ZBED4: variants seen among roughly 807,000 people sequenced by gnomAD.
ZBED4 encodes the protein zinc finger BED-type containing 4, also known as zinc finger BED domain-containing protein 4.
Under a neutral mutation model 15.5 loss-of-function variants are expected in ZBED4, and 4 were observed. That is an observed-to-expected ratio of 0.26 (90% CI 0.13 to 0.59). The LOEUF (loss-of-function observed/expected upper bound fraction) is 0.59. Ranked by LOEUF, ZBED4 falls within the 20% of genes least tolerant of loss-of-function variation. ZBED4 has a pLI of 0.90. For missense variants in ZBED4, 1,323 were observed against 1,461.8 expected (o/e 0.91, Z 1.55); for synonymous variants, 692 against 608.5 (o/e 1.14, Z -2.02).
Position 49,884,708 on chromosome 22 carries a change from C to T in ZBED4, c.1046C>T (p.Pro349Leu), listed in dbSNP as rs150475592. ...CAGGAGAACGGGGGCACGGGCATCC[C>T]GCCACTGTACTCCACCCCTCCCACT... Reference protein sequence around the residue: ...VLQENGGTGIPPLYSTPPTLL... With the variant: ...VLQENGGTGILPLYSTPPTLL... The change falls in exon 2 of 2, where the codon CCG becomes CTG. Residue 349 changes from proline (P) to leucine (L), a missense_variant. Transcript: ENST00000216268. 1.0e-5 allele frequency: 16 copies of T among 1,597,768 alleles called. No homozygotes were observed. Among genetic ancestry groups the T allele is most frequent in the African/African-American group, 2.7e-5 (2 of 74,728 alleles).
At chr22:49,871,023 C>G (rs2060344644) in intron 1 of ZBED4, among the ~76,000 whole-genome samples, 1 of 151,220 alleles carries the variant, frequency 6.6e-6, no homozygotes, top group Admixed American at 6.6e-5. Context: ...TAACTGCAAC[C>G]TCCATCTCCA....
rs965944100 is a variant in ZBED4 at position 49,885,495 on chromosome 22, G to C, written c.1833G>C (p.Val611=). ...LRHLQRFHSN[V]LKTEVSETAR... ...ATTTACAGCGGTTCCATAGCAACGT[G>C]CTGAAAACTGAGGTCTCGGAGACGG... The change falls in exon 2 of 2, where the codon GTG becomes GTC. Residue 611 remains valine, a synonymous_variant. Coordinates refer to ENST00000216268, the MANE Select transcript of ZBED4 (RefSeq NM_014838.3). 1 of 1,611,628 alleles carries C rather than the reference G, an allele frequency of 6.2e-7. No homozygotes were observed.
chr22:49,868,866 C>G (rs2060332944), intron 1 of ZBED4, among the ~76,000 whole-genome samples: 1 of 151,116 alleles, frequency 6.6e-6, no homozygotes, highest in Admixed American at 6.6e-5. Context: ...AATCCCAGCA[C>G]TTTGGGAGGC....
Position 49,857,227 on chromosome 22 carries a change from T to C in ZBED4, c.-330+3238T>C, listed in dbSNP as rs149581665. On this transcript the variant is annotated intron_variant, in intron 1 of 1. Transcript: ENST00000216268. ...TCCGTCATAGAAGCCATGCTCCACATCCTGTAAGTGAGAGACTCCCCAGCA... is the reference window on the plus strand; with the variant it reads ...TCCGTCATAGAAGCCATGCTCCACACCCTGTAAGTGAGAGACTCCCCAGCA... Among the ~76,000 whole-genome samples the C allele has an allele frequency of 4.2e-3, 635 of 152,296 alleles. 1 individual carries two copies. Among genetic ancestry groups the C allele is most frequent in the Admixed American group, 6.7e-3 (102 of 15,290 alleles).
Position 49,883,859 on chromosome 22 carries a change from G to A in ZBED4, c.197G>A (p.Cys66Tyr). ...CGAGCGGGCCTCGGTGGGACGGGTTGCAGCTGCAAGCCCCCGGGGAAGTAC... is the reference window on the plus strand; with the variant it reads ...CGAGCGGGCCTCGGTGGGACGGGTTACAGCTGCAAGCCCCCGGGGAAGTAC... Reference protein sequence around the residue: ...GERAGLGGTGCSCKPPGKYLS... With the variant: ...GERAGLGGTGYSCKPPGKYLS... Residue 66 changes from cysteine to tyrosine, a missense_variant, in exon 2 of 2, where the codon TGC becomes TAC. Cys to Tyr is a radical substitution (Grantham distance 194, BLOSUM62 -2). This residue lies in a region of ZBED4 where 380 missense variants were observed against 413.7 expected (regional missense o/e 0.92). Transcript: ENST00000216268. 6.2e-7 allele frequency: 1 copy of A among 1,608,092 alleles called. No individual in the cohort carries two copies.
At chr22:49,868,593 A>T (rs1316219562) in intron 1 of ZBED4, among the ~76,000 whole-genome samples, 2 of 152,192 alleles carry the variant, frequency 1.3e-5, no homozygotes, top group Non-Finnish European at 2.9e-5. Flanking sequence ...CAAAAAAGAA[A>T]AATGAAAACT....
chr22:49,879,372 C>T (rs1283149050), intron 1 of ZBED4, among the ~76,000 whole-genome samples: 5 of 151,926 alleles, frequency 3.3e-5, no homozygotes, highest in Non-Finnish European at 5.9e-5. Context: ...GTTGATCCGT[C>T]TGCCTCATCC....
In ZBED4 at chr22:49,887,566, A is replaced by G. The variant is rs1332059501; in HGVS notation, c.*388A>G. On this transcript the variant is annotated 3_prime_UTR_variant, in exon 2 of 2. Coordinates refer to ENST00000216268, the MANE Select transcript of ZBED4 (RefSeq NM_014838.3). ...GTACAAACCACAAATCAGGTACTGT[A>G]TTTTAGTGAAGCATTGCTTTAATTG... 5.5e-6 allele frequency: 1 copy of G among 180,838 alleles called. No homozygotes were observed. The highest frequency in any genetic ancestry group is 1.3e-5 in the Non-Finnish European group (1 of 76,060). The allele number at this position is 180,838 out of a possible 1,614,324, so 11.2% of individuals were successfully genotyped here. A position where few individuals can be genotyped will look rare whatever the true frequency, so the allele number is the denominator to read the frequency against.
rs1269888546 is a variant in ZBED4 at position 49,884,558 on chromosome 22, T to C, written c.896T>C (p.Leu299Pro). The C allele has an allele frequency of 6.8e-6, 11 of 1,613,386 alleles. No homozygotes were observed. The highest frequency in any genetic ancestry group is 9.3e-6 in the Non-Finnish European group (11 of 1,179,648). The change falls in exon 2 of 2, where the codon CTG becomes CCG. Residue 299 changes from leucine (L) to proline (P), a missense_variant. Around this residue, in one of 6 missense-constraint regions of ZBED4, gnomAD observed 380 missense variants for 413.7 expected, o/e 0.92. Coordinates refer to ENST00000216268, the MANE Select transcript of ZBED4 (RefSeq NM_014838.3). Reference sequence around the variant, plus strand: ...TGGAAGCACTTCTACCTGTCGCCACTGGACAACTCCAAAGCTGTCTGCATT... The same window carrying C: ...TGGAAGCACTTCTACCTGTCGCCACCGGACAACTCCAAAGCTGTCTGCATT... ...AVWKHFYLSP[L>P]DNSKAVCIHC...
intron 1 of ZBED4, among the ~76,000 whole-genome samples, chr22:49,879,550 TC>T (rs1305708610): frequency 6.6e-6 from 1 of 150,666 alleles, no homozygotes; most frequent in Non-Finnish European, 1.5e-5. Context: ...TTGTCTTATG[TC>T]CGGGCCTGTT....
chr22:49,862,259 G>T (rs1362931996), intron 1 of ZBED4, among the ~76,000 whole-genome samples: 1 of 152,192 alleles, frequency 6.6e-6, no homozygotes, highest in East Asian at 1.9e-4. Context: ...AAGTCGCTTG[G>T]AAGGTGGTTT....
intron 1 of ZBED4, among the ~76,000 whole-genome samples, chr22:49,875,044 T>C (rs2060368925): frequency 6.6e-6 from 1 of 152,218 alleles, no homozygotes; most frequent in Non-Finnish European, 1.5e-5. Context: ...TGACGTATTA[T>C]CTTTGATACA....
intron 1 of ZBED4, among the ~76,000 whole-genome samples, chr22:49,858,783 C>T (rs577045105): frequency 7.2e-5 from 11 of 152,328 alleles, no homozygotes; most frequent in Non-Finnish European, 1.0e-4. Flanking sequence ...TGTCCCCCAA[C>T]GTCTTTACTA....
At chr22:49,880,514 A>G (rs1436185855) in intron 1 of ZBED4, among the ~76,000 whole-genome samples, 1 of 152,100 alleles carries the variant, frequency 6.6e-6, no homozygotes, top group Non-Finnish European at 1.5e-5. Flanking sequence ...CTCCCTCTTT[A>G]GCTTTCACAC....
At chr22:49,859,631 T>G (rs375810897) in intron 1 of ZBED4, among the ~76,000 whole-genome samples, 1 of 152,344 alleles carries the variant, frequency 6.6e-6, no homozygotes. Context: ...TGTTATTGCT[T>G]AATGCCCTGT....
intron 1 of ZBED4, among the ~76,000 whole-genome samples, chr22:49,881,434 G>A (rs2060409023): frequency 6.6e-6 from 1 of 152,230 alleles, no homozygotes; most frequent in Admixed American, 6.5e-5. Flanking sequence ...TGGCCAGGCT[G>A]GAGTGCAGTG....
At position 49,884,766 on chromosome 22, in the gene ZBED4, G is replaced by A. The variant is rs148413052; in HGVS notation, c.1104G>A (p.Glu368=). 7.6e-5 allele frequency: 121 copies of A among 1,601,206 alleles called. No homozygotes were observed. In the Admixed American group the frequency reaches 2.0e-3, roughly 26 times the overall value. ...CTTCCTTGCTGCCGCCGGAGGGGGA[G>A]CTCAGCTCTGTGTCCTCGTCTCCAG... ...LLPSLLPPEG[E]LSSVSSSPVK... is the part of the protein sequence containing the mutation. Residue 368 remains glutamate, a synonymous_variant, in exon 2 of 2, where the codon GAG becomes GAA. Coordinates refer to ENST00000216268, the MANE Select transcript of ZBED4 (RefSeq NM_014838.3).
At chr22:49,864,948 C>G (rs1016827364) in intron 1 of ZBED4, among the ~76,000 whole-genome samples, 6 of 98,532 alleles carry the variant, frequency 6.1e-5, no homozygotes, top group Non-Finnish European at 9.1e-5. Context: ...CCCCCCCCCC[C>G]CCCCGTGAAG....
chr22:49,854,140 G>C (rs2060264447), intron 1 of ZBED4, among the ~76,000 whole-genome samples, 151 bp downstream of exon 1: 1 of 145,146 alleles, frequency 6.9e-6, no homozygotes, highest in Admixed American at 6.8e-5. Context: ...CGTGGCCTCG[G>C]GGTCCCCGCC....
Sources: allele counts gnomAD v4.1 joint callset (sites outside exome capture counted in the v4.1 genomes callset), GRCh38; gene constraint gnomAD v4.1.1; regional missense constraint gnomAD v4.1.1; transcripts MANE v1.5; gene names NCBI Gene and HGNC (gene_info 2026-07-23, HGNC 2026-07-21).